ACOXL: variants seen among roughly 807,000 people sequenced by gnomAD.
ACOXL encodes acyl-CoA oxidase like.
ACOXL carries 70 observed loss-of-function variants against 71.9 expected under a neutral mutation model. The ratio of observed to expected loss-of-function variants is 0.97; its 90% CI spans 0.80 to 1.19. The LOEUF is 1.19. Among genes scored for constraint, ACOXL ranks in the 50% most tolerant of loss-of-function variants. The probability of loss-of-function intolerance (pLI) is 0.00; values close to 1 mark genes in which losing one functional copy is unlikely to be tolerated. For missense variants in ACOXL, 703 were observed against 736.3 expected, an observed-to-expected ratio of 0.95 and a Z score of 0.52; for synonymous variants, 253 against 281.6, an observed-to-expected ratio of 0.90 and a Z score of 1.02.
At chr2:111,001,181 C>T (rs919257275) in intron 14 of ACOXL, among the ~76,000 whole-genome samples, 3 of 152,180 alleles carry the variant, frequency 2.0e-5, no homozygotes, top group African/African-American at 4.8e-5. Context: ...TCAGCCTTCT[C>T]AACACCCCCA....
At position 110,982,217 on chromosome 2, in the gene ACOXL, G is replaced by A. The variant is rs535957144; in HGVS notation, c.1060-4891G>A. Among the ~76,000 whole-genome samples, 4 of 151,976 alleles carry A rather than the reference G, an allele frequency of 2.6e-5. No individual in the cohort carries two copies. In the East Asian group the frequency reaches 5.8e-4, roughly 22 times the overall value. Reference sequence around the variant, plus strand: ...TGCGCCCAGGCTGGAGTGCAGTGGCGCAATCTCAGCTCACTGCAACCTCCA... The same window carrying A: ...TGCGCCCAGGCTGGAGTGCAGTGGCACAATCTCAGCTCACTGCAACCTCCA... On this transcript the variant is annotated intron_variant, in intron 12 of 17. Coordinates refer to ENST00000439055, the MANE Select transcript of ACOXL (RefSeq NM_001142807.4).
chr2:110,986,507 G>A (rs1323810735), intron 12 of ACOXL, among the ~76,000 whole-genome samples: 1 of 152,154 alleles, frequency 6.6e-6, no homozygotes, highest in East Asian at 1.9e-4. Flanking sequence ...GTGGAGGCAC[G>A]CTGGTCCAAG....
At chr2:110,786,623 G>A (rs1573509710) in intron 3 of ACOXL, among the ~76,000 whole-genome samples, 2 of 152,300 alleles carry the variant, frequency 1.3e-5, no homozygotes, top group South Asian at 2.1e-4. Flanking sequence ...TCCGTGGATT[G>A]TGACCATGAG....
chr2:110,812,291 G>GAAATTT (rs1429644204), intron 9 of ACOXL, among the ~76,000 whole-genome samples: 1 of 152,152 alleles, frequency 6.6e-6, no homozygotes, highest in African/African-American at 2.4e-5. Context: ...TTTAACAACC[G>GAAATTT]AAATTTAAAC....
chr2:110,940,289 A>G (rs138545683), intron 12 of ACOXL, among the ~76,000 whole-genome samples: 122 of 152,272 alleles, frequency 8.0e-4, no homozygotes, highest in African/African-American at 2.9e-3. Flanking sequence ...GTCTTGCTAT[A>G]TATAGTTGAG....
chr2:111,010,398 A>G (rs1273991189), intron 14 of ACOXL, among the ~76,000 whole-genome samples: 3 of 152,130 alleles, frequency 2.0e-5, no homozygotes, highest in Non-Finnish European at 4.4e-5. Context: ...AATAGAAATC[A>G]TTTGAACTAA....
intron 10 of ACOXL, among the ~76,000 whole-genome samples, chr2:110,862,544 G>A (rs544032136): frequency 1.3e-5 from 2 of 152,332 alleles, no homozygotes; most frequent in South Asian, 4.1e-4. Context: ...CTTGTGAAAT[G>A]GGCATTTGTG....
intron 12 of ACOXL, among the ~76,000 whole-genome samples, chr2:110,986,365 A>T (rs2062932041): frequency 6.6e-6 from 1 of 152,230 alleles, no homozygotes; most frequent in Non-Finnish European, 1.5e-5. Context: ...TAGTGCTTTG[A>T]GACAACAATT....
chr2:110,773,187 C>T (rs1466012660), intron 2 of ACOXL, among the ~76,000 whole-genome samples: 1 of 152,006 alleles, frequency 6.6e-6, no homozygotes, highest in Admixed American at 6.5e-5. Context: ...TATATTATGA[C>T]TATTATTTTT....
At chr2:110,793,888 A>G in intron 4 of ACOXL, 152 bp downstream of exon 4, 1 of 862,648 alleles carries the variant, frequency 1.2e-6, no homozygotes, top group South Asian at 1.7e-5. Context: ...TTCCAAGACT[A>G]TCTTTTTTAT....
At chr2:110,792,901 T>C (rs1330576951) in intron 3 of ACOXL, among the ~76,000 whole-genome samples, 1 of 152,194 alleles carries the variant, frequency 6.6e-6, no homozygotes, top group Non-Finnish European at 1.5e-5. Flanking sequence ...TTATAAGGCA[T>C]TAGGTAGCTT....
chr2:110,846,504 T>C (rs918645536), intron 10 of ACOXL, among the ~76,000 whole-genome samples: 5 of 152,158 alleles, frequency 3.3e-5, no homozygotes, highest in African/African-American at 4.8e-5. Context: ...AACAGAGGAC[T>C]TGAGGCCCAA....
chr2:111,101,231 G>T (rs2069134831), intron 17 of ACOXL: 1 of 152,438 alleles, frequency 6.6e-6, no homozygotes. Context: ...TGTCACAAAG[G>T]CTTGTGATTA....
intron 12 of ACOXL, among the ~76,000 whole-genome samples, chr2:110,973,695 C>T (rs564536577): frequency 4.5e-4 from 68 of 152,226 alleles, no homozygotes; most frequent in African/African-American, 1.6e-3. Context: ...TCTGGATGAC[C>T]GTGGAGAGAC....
intron 10 of ACOXL, among the ~76,000 whole-genome samples, chr2:110,852,413 G>A (rs796221666): frequency 1.9e-4 from 29 of 152,296 alleles, no homozygotes; most frequent in African/African-American, 6.5e-4. Context: ...TCAGGCTCTC[G>A]ACTTCCTCCT....
intron 12 of ACOXL, among the ~76,000 whole-genome samples, chr2:110,945,168 T>G (rs1265459684): frequency 6.6e-6 from 1 of 152,252 alleles, no homozygotes; most frequent in Non-Finnish European, 1.5e-5. Flanking sequence ...TCTGTTCATG[T>G]CCTTTGCCCA....
At chr2:110,855,206 A>G (rs1693090766) in intron 10 of ACOXL, among the ~76,000 whole-genome samples, 1 of 152,254 alleles carries the variant, frequency 6.6e-6, no homozygotes, top group Non-Finnish European at 1.5e-5. Context: ...AGTTGGCAAC[A>G]GTTATTCCTG....
At chr2:110,953,980 G>A (rs2061416944) in intron 12 of ACOXL, among the ~76,000 whole-genome samples, 1 of 152,148 alleles carries the variant, frequency 6.6e-6, no homozygotes, top group South Asian at 2.1e-4. Flanking sequence ...ATTTGAGTGG[G>A]GACACAGATC....
chr2:111,008,044 A>G (rs982341628), intron 14 of ACOXL, among the ~76,000 whole-genome samples: 5 of 152,316 alleles, frequency 3.3e-5, no homozygotes, highest in African/African-American at 1.2e-4. Context: ...TGAGAGACAC[A>G]TTTACTAACT....
Sources: allele counts gnomAD v4.1 joint callset (sites outside exome capture counted in the v4.1 genomes callset), GRCh38; gene constraint gnomAD v4.1.1; transcripts MANE v1.5; gene names NCBI Gene and HGNC (gene_info 2026-07-23, HGNC 2026-07-21).